DLGAP1: variants seen among roughly 807,000 people sequenced by gnomAD.
DLGAP1 encodes the protein disks large-associated protein 1.
Under a neutral mutation model 90.8 loss-of-function variants are expected in DLGAP1, and 11 were observed. The ratio of observed to expected loss-of-function variants is 0.12; its 90% CI spans 0.08 to 0.20. DLGAP1 has a LOEUF of 0.20. DLGAP1 is among the 10% of genes least tolerant of loss of function. DLGAP1 has a pLI of 1.00. For missense variants in DLGAP1, 1,050 were observed against 1,333.8 expected (o/e 0.79, Z 3.31); for synonymous variants, 558 against 540.7 (o/e 1.03, Z -0.44).
At chr18:4,435,905 G>A (rs914381621) in intron 1 of DLGAP1, among the ~76,000 whole-genome samples, 1 of 152,160 alleles carries the variant, frequency 6.6e-6, no homozygotes, top group Non-Finnish European at 1.5e-5. Flanking sequence ...AGAGAGCTGA[G>A]GCGGGCTTAG....
At chr18:4,072,806 T>A (rs2075468825) in intron 2 of DLGAP1, among the ~76,000 whole-genome samples, 1 of 152,136 alleles carries the variant, frequency 6.6e-6, no homozygotes, top group Admixed American at 6.5e-5. Context: ...ATGTTATGAG[T>A]TATAGATAAG....
intron 1 of DLGAP1, among the ~76,000 whole-genome samples, chr18:4,302,299 C>A (rs2143283326): frequency 1.3e-5 from 2 of 152,240 alleles, no homozygotes; most frequent in Admixed American, 1.3e-4. Flanking sequence ...ATCCTTTAAT[C>A]CATTTCGAGT....
chr18:3,556,724 G>A (rs1230824425), intron 9 of DLGAP1, among the ~76,000 whole-genome samples: 3 of 152,142 alleles, frequency 2.0e-5, no homozygotes, highest in African/African-American at 7.2e-5. Context: ...AAATAACCAC[G>A]TGCAGGATTT....
intron 4 of DLGAP1, among the ~76,000 whole-genome samples, chr18:3,850,979 CAAACAACA>C (rs973963068): frequency 4.6e-5 from 7 of 152,042 alleles, no homozygotes; most frequent in Non-Finnish European, 8.8e-5. Flanking sequence ...GAATCTATTC[CAAACAACA>C]AAACAACAAT....
chr18:3,600,016 C>T lies in DLGAP1; in HGVS notation c.1592-17768G>A, dbSNP rs552970950. On this transcript the variant is annotated intron_variant, in intron 7 of 12. Transcript: ENST00000315677. ...CTCACTACATCCTCTAACTCCTGGGCTCAAGCGAACCTCCCACTTTAGCCT... is the reference window on the plus strand; with the variant it reads ...CTCACTACATCCTCTAACTCCTGGGTTCAAGCGAACCTCCCACTTTAGCCT... 2.0e-4 allele frequency among the ~76,000 whole-genome samples: 30 copies of T among 151,880 alleles called. No homozygotes were observed. The South Asian group carries it at 2.7e-3, about 14-fold the overall frequency.
chr18:3,801,589 C>T (rs1398077582), intron 5 of DLGAP1, among the ~76,000 whole-genome samples: 1 of 152,068 alleles, frequency 6.6e-6, no homozygotes, highest in Non-Finnish European at 1.5e-5. Context: ...CCTTGTATAA[C>T]CTAGTTAATA....
chr18:4,212,808 A>C (rs1320083935), intron 1 of DLGAP1, among the ~76,000 whole-genome samples: 1 of 152,118 alleles, frequency 6.6e-6, no homozygotes, highest in Non-Finnish European at 1.5e-5. Context: ...ATATCCCATC[A>C]CATAAATCAT....
At chr18:4,118,797 T>G (rs1438285176) in intron 2 of DLGAP1, among the ~76,000 whole-genome samples, 1 of 152,050 alleles carries the variant, frequency 6.6e-6, no homozygotes, top group Non-Finnish European at 1.5e-5. Context: ...TTAATGAGAT[T>G]TAGCTGATTT....
Position 3,534,276 on chromosome 18 carries a change from A to G in DLGAP1, c.2397T>C (p.Leu799=), listed in dbSNP as rs2144493252. The G allele has an allele frequency of 6.2e-7, 1 of 1,614,196 alleles. No individual in the cohort carries two copies. The highest frequency in any genetic ancestry group is 8.5e-7 in the Non-Finnish European group (1 of 1,180,024). Residue 799 remains leucine, a synonymous_variant, in exon 10 of 13, where the codon CTT becomes CTC. Coordinates refer to ENST00000315677, the MANE Select transcript of DLGAP1 (RefSeq NM_004746.4). ...CCATGCGGTCTCGCTCTGCCTGGAG[A>G]AGCTTCAGGAACCAGTGGCCATCCC... ...CHRDGHWFLK[L]LQAERDRMEG...
intron 2 of DLGAP1, among the ~76,000 whole-genome samples, chr18:4,034,037 CTTTTT>C: frequency 9.0e-6 from 1 of 111,210 alleles, no homozygotes; most frequent in Non-Finnish European, 1.8e-5. Context: ...GCGCCCGGCC[CTTTTT>C]TTTTTTTTTT....
chr18:4,012,883 T>C (rs1235349819), intron 2 of DLGAP1, among the ~76,000 whole-genome samples: 1 of 152,014 alleles, frequency 6.6e-6, no homozygotes, highest in Non-Finnish European at 1.5e-5. Context: ...GAATTTATTT[T>C]ATAGAGACAG....
At chr18:3,965,352 T>C (rs1222914933) in intron 3 of DLGAP1, among the ~76,000 whole-genome samples, 1 of 152,176 alleles carries the variant, frequency 6.6e-6, no homozygotes, top group Admixed American at 6.5e-5. Flanking sequence ...AAAACCATAA[T>C]CTATGGTGGT....
intron 8 of DLGAP1, among the ~76,000 whole-genome samples, chr18:3,568,703 T>C (rs2054575105): frequency 6.6e-6 from 1 of 152,160 alleles, no homozygotes; most frequent in Non-Finnish European, 1.5e-5. Flanking sequence ...TTGTTTGTTT[T>C]TGAGATGGAG....
intron 4 of DLGAP1, among the ~76,000 whole-genome samples, chr18:3,818,347 T>A (rs1467696414): frequency 8.0e-4 from 1 of 1,254 alleles, no homozygotes; most frequent in Non-Finnish European, 1.7e-3. Flanking sequence ...GTAGGGATGG[T>A]TTTTTTTTTT....
At chr18:4,201,232 A>G (rs999867774) in intron 1 of DLGAP1, among the ~76,000 whole-genome samples, 4 of 152,084 alleles carry the variant, frequency 2.6e-5, no homozygotes, top group African/African-American at 9.7e-5. Flanking sequence ...GCCAATGTCC[A>G]GAAGAGTTTT....
At chr18:3,989,915 A>G (rs2073926372) in intron 3 of DLGAP1, among the ~76,000 whole-genome samples, 2 of 152,176 alleles carry the variant, frequency 1.3e-5, no homozygotes, top group Non-Finnish European at 2.9e-5. Flanking sequence ...GAGAAATGCA[A>G]ATCAAAACCA....
intron 1 of DLGAP1, among the ~76,000 whole-genome samples, chr18:4,217,933 A>T (rs998447885): frequency 2.0e-5 from 3 of 151,982 alleles, no homozygotes; most frequent in Non-Finnish European, 4.4e-5. Context: ...CAAGTTATCA[A>T]TTTTTTTCTT....
At chr18:3,512,535 G>T (rs1222457361) in intron 10 of DLGAP1, among the ~76,000 whole-genome samples, 1 of 152,204 alleles carries the variant, frequency 6.6e-6, no homozygotes. Flanking sequence ...ACAGGCCTGG[G>T]TTAGTGAATC....
chr18:4,322,565 G>T (rs565290397), intron 1 of DLGAP1, among the ~76,000 whole-genome samples: 1 of 152,144 alleles, frequency 6.6e-6, no homozygotes, highest in Admixed American at 6.5e-5. Flanking sequence ...TAGGGGGAAA[G>T]CTCCACAACA....
Sources: gnomAD v4.1 joint callset for allele counts (sites outside exome capture counted in the v4.1 genomes callset) on GRCh38, gnomAD v4.1.1 for gene constraint, MANE v1.5 for transcripts, NCBI Gene and HGNC (gene_info 2026-07-23, HGNC 2026-07-21) for gene names.